The following TCERG1L variants were observed in gnomAD, a reference collection of about 807,000 sequenced individuals.
TCERG1L encodes transcription elongation regulator 1-like protein.
TCERG1L carries 37 observed loss-of-function variants against 56.3 expected under a neutral mutation model. That is an observed-to-expected ratio of 0.66 (90% CI 0.51 to 0.87). The LOEUF (loss-of-function observed/expected upper bound fraction) is 0.87, where lower values mean the gene tolerates loss of function less well. Ranked by LOEUF, TCERG1L falls within the 40% of genes least tolerant of loss-of-function variation. TCERG1L has a pLI of 0.00. For missense variants in TCERG1L, 799 were observed against 774.2 expected, an observed-to-expected ratio of 1.03 and a Z score of -0.38; for synonymous variants, 324 against 326.3, an observed-to-expected ratio of 0.99 and a Z score of 0.08.
chr10:131,258,787 CAA>C lies in TCERG1L; in HGVS notation c.856+1470_856+1471del, dbSNP rs1379888714. On this transcript the variant is annotated intron_variant, in intron 4 of 11. Coordinates refer to ENST00000368642, the MANE Select transcript of TCERG1L (RefSeq NM_174937.4). The stretch of plus-strand genomic sequence containing the variant: ...ATCATGGAACCTTATAAAAGGCAAA[CAA>C]GAGAAGATGCCTAATTGTTATGTCA... Among the ~76,000 whole-genome samples, 7 of 152,118 alleles carry C rather than the reference CAA, an allele frequency of 4.6e-5. No individual in the cohort carries two copies. In the East Asian group the frequency reaches 7.7e-4, roughly 17 times the overall value.
rs116344591 is a variant in TCERG1L at position 131,093,690 on chromosome 10, C to T, written c.1605-372G>A. 6.5e-3 allele frequency among the ~76,000 whole-genome samples: 989 copies of T among 152,318 alleles called. 18 individuals carry two copies. Among genetic ancestry groups the T allele is most frequent in the African/African-American group, 0.022 (932 of 41,572 alleles). On this transcript the variant is annotated intron_variant, in intron 11 of 11. Coordinates refer to ENST00000368642, the MANE Select transcript of TCERG1L (RefSeq NM_174937.4). ...TGCTGCCACCAGGCTCTGCCTGCCA[C>T]GGTCTTTCTTACACTGTTCCCTCTG...
In TCERG1L at chr10:131,288,319, C is replaced by T. The variant is rs552123120; in HGVS notation, c.670+19892G>A. Among the ~76,000 whole-genome samples, 11 of 152,328 alleles carry T rather than the reference C, an allele frequency of 7.2e-5. No homozygotes were observed. The South Asian group carries it at 1.9e-3, about 26-fold the overall frequency. Reference sequence around the variant, plus strand: ...GGGCACCCAACCCGGTTTGAGAAACCAACCCCACAGTTTAATCTCCTAGTA... The same window carrying T: ...GGGCACCCAACCCGGTTTGAGAAACTAACCCCACAGTTTAATCTCCTAGTA... On this transcript the variant is annotated intron_variant, in intron 3 of 11. Coordinates refer to ENST00000368642, the MANE Select transcript of TCERG1L (RefSeq NM_174937.4).
chr10:131,273,205 C>A (rs545442894), intron 3 of TCERG1L, among the ~76,000 whole-genome samples: 1 of 152,186 alleles, frequency 6.6e-6, no homozygotes, highest in Non-Finnish European at 1.5e-5. Context: ...AGGGGCTGCC[C>A]GTGTAGACAG....
chr10:131,143,714 C>T (rs1390693350), intron 7 of TCERG1L, among the ~76,000 whole-genome samples: 3 of 152,194 alleles, frequency 2.0e-5, no homozygotes, highest in Non-Finnish European at 2.9e-5. Context: ...ACCCTCCAAA[C>T]TGAAGTGTTG....
In TCERG1L at chr10:131,140,924, C is replaced by T. The variant is rs115597887; in HGVS notation, c.1189+5582G>A. Among the ~76,000 whole-genome samples, 713 of 152,322 alleles carry T rather than the reference C, an allele frequency of 4.7e-3. 3 individuals are homozygous for T. Among genetic ancestry groups the T allele is most frequent in the African/African-American group, 0.013 (558 of 41,582 alleles). ...GGGCCGGGTTTGATCCACCCCACTC[C>T]ACCAACAGGTCCAGCCAGGTGCTCA... On this transcript the variant is annotated intron_variant, in intron 7 of 11. Transcript: ENST00000368642.
In TCERG1L at chr10:131,248,430, A is replaced by T. The variant is rs575341182; in HGVS notation, c.856+11829T>A. On this transcript the variant is annotated intron_variant, in intron 4 of 11. Coordinates refer to ENST00000368642, the MANE Select transcript of TCERG1L (RefSeq NM_174937.4). ...GACCTTGAGAGAGGTTAAGTCACAA[A>T]GCACACCAGGCTGATCTCTCTCTCT... Among the ~76,000 whole-genome samples the T allele has an allele frequency of 3.9e-5, 6 of 152,220 alleles. No homozygotes were observed. In the East Asian group the frequency reaches 1.2e-3, roughly 29 times the overall value.
chr10:131,193,914 T>C (rs766195221), intron 4 of TCERG1L, among the ~76,000 whole-genome samples: 1 of 152,246 alleles, frequency 6.6e-6, no homozygotes, highest in South Asian at 2.1e-4. Context: ...CAGCCCTGTG[T>C]ACCCCTCACT....
intron 3 of TCERG1L, among the ~76,000 whole-genome samples, chr10:131,292,528 T>G (rs1846640386): frequency 6.6e-6 from 1 of 152,206 alleles, no homozygotes; most frequent in African/African-American, 2.4e-5. Context: ...TTTCTATTTT[T>G]AAAAAACATT....
chr10:131,117,071 C>T (rs1464189091), intron 8 of TCERG1L, 137 bp from the exon 9 acceptor site: 18 of 1,181,160 alleles, frequency 1.5e-5, no homozygotes, highest in South Asian at 3.2e-5. Flanking sequence ...AAGCCTGAGG[C>T]GGTCTCCCTC....
chr10:131,236,943 G>A (rs1845919307), intron 4 of TCERG1L, among the ~76,000 whole-genome samples: 1 of 151,860 alleles, frequency 6.6e-6, no homozygotes, highest in East Asian at 1.9e-4. Context: ...GTAGCCAGAG[G>A]GACACTTTTA....
chr10:131,185,976 G>A (rs1269817100), intron 4 of TCERG1L, among the ~76,000 whole-genome samples: 1 of 152,196 alleles, frequency 6.6e-6, no homozygotes, highest in East Asian at 1.9e-4. Flanking sequence ...TCAATGGATG[G>A]GTGAATAAGC....
chr10:131,182,328 TC>T (rs1354582019), intron 4 of TCERG1L, among the ~76,000 whole-genome samples: 3 of 152,092 alleles, frequency 2.0e-5, no homozygotes, highest in Admixed American at 2.0e-4. Flanking sequence ...GACTGGGAGG[TC>T]CTCAGGGCAG....
chr10:131,169,693 T>A (rs77592906), intron 4 of TCERG1L, among the ~76,000 whole-genome samples: 4,112 of 152,318 alleles, frequency 0.027, 197 homozygotes, highest in African/African-American at 0.092. Flanking sequence ...CCACACACTC[T>A]ATGTTTTCAA....
intron 3 of TCERG1L, among the ~76,000 whole-genome samples, chr10:131,269,702 G>A (rs144713198): frequency 4.5e-4 from 68 of 152,222 alleles, no homozygotes; most frequent in Non-Finnish European, 7.5e-4. Context: ...CACAACAGAC[G>A]TAACAATACT....
chr10:131,121,060 T>C (rs1313035245), intron 8 of TCERG1L, among the ~76,000 whole-genome samples: 3 of 152,180 alleles, frequency 2.0e-5, no homozygotes, highest in Admixed American at 2.0e-4. Flanking sequence ...GGGCTTCTGG[T>C]TGGTGTTCCC....
At position 131,203,822 on chromosome 10, in the gene TCERG1L, A is replaced by T. The variant is rs1845483013; in HGVS notation, c.857-36937T>A. ...CCTCCCTAGCCACTTTCCACTTCAG[A>T]CCTCCTCCAAGTGGGGGGTGGGCAT... On this transcript the variant is annotated intron_variant, in intron 4 of 11. Coordinates refer to ENST00000368642, the MANE Select transcript of TCERG1L (RefSeq NM_174937.4). Among the ~76,000 whole-genome samples the T allele has an allele frequency of 2.0e-5, 3 of 151,910 alleles. No homozygotes were observed. The South Asian group carries it at 6.2e-4, about 32-fold the overall frequency.
chr10:131,184,694 C>G (rs146356346), intron 4 of TCERG1L, among the ~76,000 whole-genome samples: 10 of 152,252 alleles, frequency 6.6e-5, no homozygotes, highest in Non-Finnish European at 1.5e-4. Flanking sequence ...GAACGGGAAG[C>G]CCAGGAGCTC....
At chr10:131,286,808 T>C (rs1455984753) in intron 3 of TCERG1L, among the ~76,000 whole-genome samples, 2 of 152,228 alleles carry the variant, frequency 1.3e-5, no homozygotes, top group Non-Finnish European at 2.9e-5. Flanking sequence ...AATAGATCTC[T>C]GAGATCTTCG....
In TCERG1L at chr10:131,098,326, C is replaced by T; in HGVS notation, c.1584G>A (p.Glu528=). 1 of 1,552,620 alleles carries T rather than the reference C, an allele frequency of 6.4e-7. No individual in the cohort carries two copies. Among genetic ancestry groups the T allele is most frequent in the Non-Finnish European group, 8.7e-7 (1 of 1,147,386 alleles). Reference sequence around the variant, plus strand: ...CATACCTGGGAGACACTTTAGATTCCTCTAGAAGTTTCTTGAATTCTTCTT... The same window carrying T: ...CATACCTGGGAGACACTTTAGATTCTTCTAGAAGTTTCTTGAATTCTTCTT... ...LAKEEFKKLL[E]ESKVSPRTTF... Residue 528 remains glutamate (E), a synonymous_variant, in exon 11 of 12, where the codon GAG becomes GAA. Coordinates refer to ENST00000368642, the MANE Select transcript of TCERG1L (RefSeq NM_174937.4).
Sources: gnomAD v4.1 joint callset for allele counts (sites outside exome capture counted in the v4.1 genomes callset) on GRCh38, gnomAD v4.1.1 for gene constraint, MANE v1.5 for transcripts, NCBI Gene and HGNC (gene_info 2026-07-23, HGNC 2026-07-21) for gene names.